The following CCDC102B variants were observed in gnomAD, a reference collection of about 807,000 sequenced individuals.
CCDC102B encodes coiled-coil domain-containing protein 102B.
Under a neutral mutation model 57.4 loss-of-function variants are expected in CCDC102B, and 75 were observed. That is an observed-to-expected ratio of 1.31 (90% CI 1.08 to 1.58). The LOEUF (loss-of-function observed/expected upper bound fraction) is 1.58. Ranked by LOEUF, CCDC102B falls within the 40% of genes most tolerant of loss-of-function variation. The pLI, the probability that CCDC102B is intolerant of heterozygous loss-of-function variation, is 0.00. For synonymous variants in CCDC102B, 206 were observed against 201.9 expected (o/e 1.02, Z -0.17); for missense variants, 636 against 582.6 (o/e 1.09, Z -0.94).
chr18:69,057,699 G>A (rs1328134789), downstream of CCDC102B, among the ~76,000 whole-genome samples: 2 of 152,038 alleles, frequency 1.3e-5, no homozygotes, highest in East Asian at 1.9e-4. Flanking sequence ...GCTAGGAGTT[G>A]TTGGCATCCA....
chr18:68,964,417 T>G (rs2050120311), intron 6 of CCDC102B, among the ~76,000 whole-genome samples: 1 of 151,644 alleles, frequency 6.6e-6, no homozygotes, highest in African/African-American at 2.4e-5. Context: ...TTTTTTTTCT[T>G]TTAACTCTAT....
Position 68,847,702 on chromosome 18 carries a change from A to T in CCDC102B, c.936+1281A>T, listed in dbSNP as rs140990868. Reference sequence around the variant, plus strand: ...ATCTGATGACCATTCAGAAATATGTATTAATACATATATGATGCTTTTGGT... The same window carrying T: ...ATCTGATGACCATTCAGAAATATGTTTTAATACATATATGATGCTTTTGGT... On this transcript the variant is annotated intron_variant, in intron 4 of 7. Transcript: ENST00000360242. 2.6e-3 allele frequency among the ~76,000 whole-genome samples: 395 copies of T among 151,940 alleles called. 2 individuals carry two copies. Among genetic ancestry groups the T allele is most frequent in the Non-Finnish European group, 4.9e-3 (331 of 67,802 alleles).
intron 6 of CCDC102B, among the ~76,000 whole-genome samples, chr18:68,984,373 G>A (rs1383761023): frequency 1.3e-5 from 2 of 151,998 alleles, no homozygotes; most frequent in East Asian, 3.9e-4. Context: ...CTGTAGAAAG[G>A]TGATGTCGAT....
At chr18:68,877,387 C>T (rs1031793880) in intron 5 of CCDC102B, among the ~76,000 whole-genome samples, 5 of 152,156 alleles carry the variant, frequency 3.3e-5, no homozygotes, top group East Asian at 3.8e-4. Context: ...AAGCTACTTG[C>T]GATCTTTAAT....
chr18:68,938,831 G>T (rs1308410518), intron 6 of CCDC102B, among the ~76,000 whole-genome samples: 1 of 151,316 alleles, frequency 6.6e-6, no homozygotes, highest in Non-Finnish European at 1.5e-5. Flanking sequence ...TACCTATCTA[G>T]ATACCTCATA....
At chr18:68,923,865 G>A (rs2041376655) in intron 6 of CCDC102B, among the ~76,000 whole-genome samples, 1 of 152,026 alleles carries the variant, frequency 6.6e-6, no homozygotes, top group Admixed American at 6.6e-5. Flanking sequence ...ATGAATATAT[G>A]GATCCTATGG....
chr18:68,928,528 T>C (rs529491590), intron 6 of CCDC102B, among the ~76,000 whole-genome samples: 13 of 151,746 alleles, frequency 8.6e-5, no homozygotes, highest in African/African-American at 2.9e-4. Flanking sequence ...TGCCAGATGA[T>C]AAAATGAAGA....
At chr18:68,968,952 A>G (rs1288290942) in intron 6 of CCDC102B, among the ~76,000 whole-genome samples, 3 of 152,176 alleles carry the variant, frequency 2.0e-5, no homozygotes, top group African/African-American at 4.8e-5. Flanking sequence ...TACATTAATT[A>G]TGTGGAGTTT....
intron 4 of CCDC102B, among the ~76,000 whole-genome samples, chr18:68,874,126 T>G (rs894663403): frequency 2.6e-5 from 4 of 151,644 alleles, no homozygotes; most frequent in African/African-American, 7.3e-5. Flanking sequence ...GCAGCTTTTA[T>G]AGATGTTCTT....
upstream of CCDC102B, among the ~76,000 whole-genome samples, chr18:68,793,992 A>G (rs2035549983): frequency 1.3e-5 from 2 of 152,114 alleles, no homozygotes; most frequent in African/African-American, 4.8e-5. Context: ...TCTAGAGTAA[A>G]TCAGTTTTGA....
chr18:69,050,927 C>G (rs1599905507), intron 7 of CCDC102B, among the ~76,000 whole-genome samples: 1 of 152,276 alleles, frequency 6.6e-6, no homozygotes, highest in East Asian at 1.9e-4. Context: ...GCTCTTCACT[C>G]AGGTTGGTGT....
intron 7 of CCDC102B, among the ~76,000 whole-genome samples, chr18:69,012,352 T>C (rs1367068880): frequency 8.5e-5 from 13 of 152,182 alleles, no homozygotes; most frequent in Admixed American, 2.6e-4. Flanking sequence ...TGAGACTAAA[T>C]TATTGGTAAG....
intron 2 of CCDC102B, among the ~76,000 whole-genome samples, chr18:68,717,079 A>G (rs1283596831): frequency 6.7e-6 from 1 of 149,930 alleles, no homozygotes; most frequent in African/African-American, 2.5e-5. Context: ...TCTGTTTCAA[A>G]AAAAAAAAAA....
At chr18:69,040,059 A>T (rs933996450) in intron 7 of CCDC102B, among the ~76,000 whole-genome samples, 1 of 151,874 alleles carries the variant, frequency 6.6e-6, no homozygotes, top group Non-Finnish European at 1.5e-5. Context: ...TTTATGAGGC[A>T]GGGGAAAGGC....
At chr18:68,916,389 A>G (rs1044204955) in intron 6 of CCDC102B, among the ~76,000 whole-genome samples, 1 of 152,180 alleles carries the variant, frequency 6.6e-6, no homozygotes, top group African/African-American at 2.4e-5. Context: ...ACTCAACCTT[A>G]GCTGAGAGTG....
rs1229299751 is a variant in CCDC102B at position 68,837,286 on chromosome 18, C to CA, written c.525dup (p.Leu176IlefsTer7). The CA allele has an allele frequency of 6.2e-7, 1 of 1,613,832 alleles. No homozygotes were observed. The highest frequency in any genetic ancestry group is 8.5e-7 in the Non-Finnish European group (1 of 1,179,954). On this transcript the variant is annotated frameshift_variant, in exon 2 of 8. Transcript: ENST00000360242. LOFTEE classifies it high-confidence loss of function. ...ATCCTGTGAACATACAGACCAATTTCAATTGAGTTCACAAATGCATGAGTC... is the reference window on the plus strand; with the variant it reads ...ATCCTGTGAACATACAGACCAATTTCAAATTGAGTTCACAAATGCATGAGTC...
At chr18:69,002,891 C>T (rs2051243122) in intron 6 of CCDC102B, among the ~76,000 whole-genome samples, 1 of 152,154 alleles carries the variant, frequency 6.6e-6, no homozygotes, top group Non-Finnish European at 1.5e-5. Context: ...TCATCTGACT[C>T]TCTTCCCCCT....
At chr18:68,860,453 TA>T (rs1243003803) in intron 4 of CCDC102B, among the ~76,000 whole-genome samples, 138 of 68,394 alleles carry the variant, frequency 2.0e-3, no homozygotes, top group Middle Eastern at 7.6e-3. Flanking sequence ...AAAGTATAAT[TA>T]AAAAAAAACA....
intron 6 of CCDC102B, among the ~76,000 whole-genome samples, chr18:68,965,717 A>G (rs2050151373): frequency 6.6e-6 from 1 of 152,058 alleles, no homozygotes; most frequent in African/African-American, 2.4e-5. Context: ...ATCTCTGATT[A>G]TCTTTTTCCA....
Sources: allele counts gnomAD v4.1 joint callset (sites outside exome capture counted in the v4.1 genomes callset), GRCh38; gene constraint gnomAD v4.1.1; transcripts MANE v1.5; gene names NCBI Gene and HGNC (gene_info 2026-07-23, HGNC 2026-07-21).